ELF2: variants seen among roughly 807,000 people sequenced by gnomAD.
The protein encoded by ELF2 is ETS-related transcription factor Elf-2.
A neutral mutation model predicts 54.8 loss-of-function variants in ELF2; 11 were observed. The observed-to-expected ratio is 0.20, with a 90% CI of 0.13 to 0.33. The LOEUF is 0.33. Among genes scored for constraint, ELF2 ranks in the 10% least tolerant of loss-of-function variants. The probability of loss-of-function intolerance (pLI) is 1.00; values close to 1 mark genes in which losing one functional copy is unlikely to be tolerated. For synonymous variants in ELF2, 203 were observed against 245.1 expected (o/e 0.83, Z 1.61); for missense variants, 513 against 703.0 (o/e 0.73, Z 3.06).
rs1002583205 is a variant in ELF2 at position 139,058,407 on chromosome 4, G to GTGTATATATATA, written c.*575_*576insTATATATATACA. On this transcript the variant is annotated 3_prime_UTR_variant, in exon 10 of 10. Transcript: ENST00000686138. The stretch of plus-strand genomic sequence containing the variant: ...AGCTATATGATATATATATATGTAT[G>GTGTATATATATA]TATATATATATATATATATATATAA... 171 of 142,142 alleles carry GTGTATATATATA rather than the reference G, an allele frequency of 1.2e-3. No homozygotes were observed. The highest frequency in any genetic ancestry group is 4.2e-3 in the African/African-American group (162 of 38,862). 8.8% of individuals were successfully genotyped at this position (142,142 alleles called of 1,614,324 possible). A position where few individuals can be genotyped will look rare whatever the true frequency, so the allele number is the denominator to read the frequency against.
chr4:139,068,930 GC>G (rs1729124449), intron 6 of ELF2, among the ~76,000 whole-genome samples: 1 of 151,708 alleles, frequency 6.6e-6, no homozygotes, highest in Non-Finnish European at 1.5e-5. Context: ...CCAGACTGGA[GC>G]GCAGTGACGC....
At chr4:139,100,878 G>C (rs751598012) in intron 4 of ELF2, among the ~76,000 whole-genome samples, 2 of 152,088 alleles carry the variant, frequency 1.3e-5, no homozygotes, top group Non-Finnish European at 2.9e-5. Context: ...GGAGGAGGAG[G>C]CAATAATGAA....
chr4:139,142,796 G>A (rs975277877), intron 1 of ELF2, among the ~76,000 whole-genome samples: 3 of 151,894 alleles, frequency 2.0e-5, no homozygotes, highest in African/African-American at 7.3e-5. Context: ...ACGCTGGGCA[G>A]GTTGAAGCTG....
chr4:139,060,731 AC>A, intron 8 of ELF2, 57 bp from the exon 9 acceptor site: 2 of 1,421,882 alleles, frequency 1.4e-6, no homozygotes, highest in Non-Finnish European at 9.5e-7. Flanking sequence ...ACCCCACTCC[AC>A]CCCCGCCAAA....
chr4:139,079,684 G>A (rs1730823068), intron 4 of ELF2, among the ~76,000 whole-genome samples: 1 of 152,206 alleles, frequency 6.6e-6, no homozygotes, highest in African/African-American at 2.4e-5. Flanking sequence ...GGCCAAGGCA[G>A]GTGGATCACC....
intron 6 of ELF2, among the ~76,000 whole-genome samples, chr4:139,071,658 C>G (rs1729527204): frequency 6.6e-6 from 1 of 152,062 alleles, no homozygotes; most frequent in Non-Finnish European, 1.5e-5. Context: ...CAATTATCCT[C>G]AAGCCTTACA....
At chr4:139,166,745 G>A (rs570588805) in intron 1 of ELF2, among the ~76,000 whole-genome samples, 105 of 152,250 alleles carry the variant, frequency 6.9e-4, no homozygotes, top group African/African-American at 2.4e-3. Context: ...GTGGGCACCT[G>A]TAATCCCAGC....
chr4:139,106,740 C>CTTT (rs35312494), intron 4 of ELF2, among the ~76,000 whole-genome samples: 5 of 93,750 alleles, frequency 5.3e-5, no homozygotes, highest in African/African-American at 1.3e-4. Flanking sequence ...AACTATATTT[C>CTTT]TTTTTTTTTT....
At chr4:139,135,237 A>ATG (rs61122327) in intron 3 of ELF2, among the ~76,000 whole-genome samples, 3,798 of 112,338 alleles carry the variant, frequency 0.034, 69 homozygotes, top group African/African-American at 0.053. Context: ...TACTATATAT[A>ATG]TGTGTGTGTG....
intron 4 of ELF2, among the ~76,000 whole-genome samples, chr4:139,103,104 T>C (rs999722141): frequency 6.6e-6 from 1 of 152,166 alleles, no homozygotes; most frequent in East Asian, 1.9e-4. Context: ...CCTTTTCTTT[T>C]TGATGTAAAA....
At chr4:139,090,997 A>C (rs1157378665) in intron 4 of ELF2, among the ~76,000 whole-genome samples, 1 of 151,952 alleles carries the variant, frequency 6.6e-6, no homozygotes, top group Non-Finnish European at 1.5e-5. Context: ...GCAGTGGCGC[A>C]ATCTGGGCTC....
At chr4:139,095,769 G>C (rs1404871348) in intron 4 of ELF2, among the ~76,000 whole-genome samples, 1 of 152,030 alleles carries the variant, frequency 6.6e-6, no homozygotes, top group Non-Finnish European at 1.5e-5. Context: ...GATTGGCCAG[G>C]CACAGTGGCT....
chr4:139,072,929 G>C (rs1339255939), intron 5 of ELF2, among the ~76,000 whole-genome samples: 1 of 152,044 alleles, frequency 6.6e-6, no homozygotes, highest in Non-Finnish European at 1.5e-5. Context: ...ATTAAAATTA[G>C]GACAAATCAG....
chr4:139,147,734 A>G (rs1161866813), intron 1 of ELF2, among the ~76,000 whole-genome samples: 2 of 151,156 alleles, frequency 1.3e-5, no homozygotes, highest in Non-Finnish European at 2.9e-5. Context: ...TCGGCCTCCC[A>G]AAGTGCTGGG....
At position 139,159,595 on chromosome 4, in the gene ELF2, T is replaced by G. The variant is rs569985826; in HGVS notation, c.-252+17372A>C. Among the ~76,000 whole-genome samples the G allele has an allele frequency of 3.1e-4, 47 of 152,266 alleles. No individual in the cohort carries two copies. In the South Asian group the frequency reaches 9.8e-3, roughly 32 times the overall value. On this transcript the variant is annotated intron_variant, in intron 1 of 9. Coordinates refer to ENST00000686138, the MANE Select transcript of ELF2 (RefSeq NM_001331036.3). ...AAGCATTGTCCTGAGCCATGGGATC[T>G]GATGCCTTTTGATGGCTGCTTTTTT...
At chr4:139,155,197 CAGG>C (rs2148891288) in intron 1 of ELF2, 1 of 152,394 alleles carries the variant, frequency 6.6e-6, no homozygotes, top group East Asian at 1.9e-4. Flanking sequence ...GATACTGAGG[CAGG>C]AGGATTGCTT....
chr4:139,150,537 A>T (rs1456697597), intron 1 of ELF2, among the ~76,000 whole-genome samples: 4 of 151,614 alleles, frequency 2.6e-5, no homozygotes, highest in South Asian at 2.1e-4. Flanking sequence ...AAAAAAAAAA[A>T]ATATGTGAAT....
intron 1 of ELF2, among the ~76,000 whole-genome samples, chr4:139,166,153 T>C (rs902348469): frequency 6.6e-6 from 1 of 151,980 alleles, no homozygotes; most frequent in African/African-American, 2.4e-5. Flanking sequence ...GCCTGGCCAA[T>C]ATGGCTACTA....
intron 1 of ELF2, among the ~76,000 whole-genome samples, chr4:139,168,147 C>T (rs192226677): frequency 5.9e-5 from 9 of 152,278 alleles, no homozygotes; most frequent in Non-Finnish European, 1.2e-4. Flanking sequence ...AATGTCTGTG[C>T]TATTACTAAT....
Sources: allele counts gnomAD v4.1 joint callset (sites outside exome capture counted in the v4.1 genomes callset), GRCh38; gene constraint gnomAD v4.1.1; transcripts MANE v1.5; gene names NCBI Gene and HGNC (gene_info 2026-07-23, HGNC 2026-07-21).